The following BCL2 variants were observed in gnomAD, a reference collection of about 807,000 sequenced individuals.
BCL2 encodes BCL2 apoptosis regulator.
Under a neutral mutation model 14.2 loss-of-function variants are expected in BCL2, and 1 was observed. The ratio of observed to expected loss-of-function variants is 0.07; its 90% confidence interval spans 0.02 to 0.33. The LOEUF is 0.33. BCL2 is among the 10% of genes least tolerant of loss of function. BCL2 has a pLI of 0.99. For missense variants in BCL2, 247 were observed against 305.9 expected (o/e 0.81, Z 1.44); for synonymous variants, 151 against 137.2 (o/e 1.10, Z -0.70).
At chr18:63,277,305 T>C (rs10164240) in intron 2 of BCL2, among the ~76,000 whole-genome samples, 8,191 of 152,204 alleles carry the variant, frequency 0.054, 413 homozygotes, top group African/African-American at 0.13. Flanking sequence ...GTCTATCTTG[T>C]TCCCCAGCAC....
chr18:63,248,260 G>T (rs1259767803), intron 2 of BCL2, among the ~76,000 whole-genome samples: 1 of 152,198 alleles, frequency 6.6e-6, no homozygotes, highest in East Asian at 1.9e-4. Flanking sequence ...GGTGAGAAAA[G>T]GTCCTTCCCA....
chr18:63,175,229 C>A (rs1428162534), intron 2 of BCL2, among the ~76,000 whole-genome samples: 1 of 152,108 alleles, frequency 6.6e-6, no homozygotes, highest in Non-Finnish European at 1.5e-5. Context: ...TTTGTTGACC[C>A]TCAAAAGATA....
intron 2 of BCL2, among the ~76,000 whole-genome samples, chr18:63,183,142 C>T (rs1164385067): frequency 1.3e-5 from 2 of 152,266 alleles, no homozygotes; most frequent in East Asian, 1.9e-4. Context: ...AAACACAAAA[C>T]CTTCCACCCG....
At chr18:63,275,617 G>A (rs1016633597) in intron 2 of BCL2, among the ~76,000 whole-genome samples, 1 of 152,244 alleles carries the variant, frequency 6.6e-6, no homozygotes, top group African/African-American at 2.4e-5. Flanking sequence ...TGCTTAAGTA[G>A]TTTCATATGT....
intron 2 of BCL2, among the ~76,000 whole-genome samples, chr18:63,165,753 G>C (rs1915028506): frequency 7.0e-6 from 1 of 142,094 alleles, no homozygotes; most frequent in African/African-American, 2.9e-5. Context: ...GATTGAGCAA[G>C]ACTCTGTCCT....
intron 2 of BCL2, among the ~76,000 whole-genome samples, chr18:63,242,985 C>T (rs17685559): frequency 0.022 from 3,337 of 152,250 alleles, 115 homozygotes; most frequent in Admixed American, 0.091. Flanking sequence ...CAGTTACGGT[C>T]GTCTTCAAGT....
At chr18:63,262,649 A>G (rs1422982863) in intron 2 of BCL2, among the ~76,000 whole-genome samples, 1 of 152,196 alleles carries the variant, frequency 6.6e-6, no homozygotes, top group African/African-American at 2.4e-5. Context: ...CCACTATGAC[A>G]CAGGCCACTC....
chr18:63,224,114 T>C (rs1381682498), intron 2 of BCL2, among the ~76,000 whole-genome samples: 1 of 151,746 alleles, frequency 6.6e-6, no homozygotes, highest in Non-Finnish European at 1.5e-5. Context: ...ATGAACCCAA[T>C]AGATGGGTTG....
At position 63,229,988 on chromosome 18, in the gene BCL2, T is replaced by A. The variant is rs560227880; in HGVS notation, c.585+88094A>T. 3.4e-3 allele frequency among the ~76,000 whole-genome samples: 510 copies of A among 151,966 alleles called. 3 individuals carry two copies. Among genetic ancestry groups the A allele is most frequent in the Non-Finnish European group, 4.8e-3 (324 of 67,950 alleles). On this transcript the variant is annotated intron_variant, in intron 2 of 2. Coordinates refer to ENST00000333681, the MANE Select transcript of BCL2 (RefSeq NM_000633.3). The stretch of plus-strand genomic sequence containing the variant: ...AAATTGACAGCTCAAGTTTTTTTTT[T>A]AAAAAAGGGAAAAGATTTAATATTG...
At chr18:63,278,447 T>C (rs1438189054) in intron 2 of BCL2, among the ~76,000 whole-genome samples, 1 of 152,212 alleles carries the variant, frequency 6.6e-6, no homozygotes, top group Non-Finnish European at 1.5e-5. Flanking sequence ...AGAATCCTAC[T>C]AGTTTTAGTG....
chr18:63,312,147 C>T (rs1375971675), intron 2 of BCL2, among the ~76,000 whole-genome samples: 1 of 152,242 alleles, frequency 6.6e-6, no homozygotes, highest in Non-Finnish European at 1.5e-5. Flanking sequence ...AGACTCCCCA[C>T]TTCTGCTCCC....
At chr18:63,217,994 G>A (rs1265145131) in intron 2 of BCL2, among the ~76,000 whole-genome samples, 2 of 152,118 alleles carry the variant, frequency 1.3e-5, no homozygotes, top group Non-Finnish European at 2.9e-5. Flanking sequence ...AAAAAAGGAA[G>A]GAAGGGAGGG....
chr18:63,272,640 A>G (rs1912036360), intron 2 of BCL2, among the ~76,000 whole-genome samples: 1 of 152,240 alleles, frequency 6.6e-6, no homozygotes, highest in African/African-American at 2.4e-5. Flanking sequence ...GCTGAGAATT[A>G]TAAGTACAAA....
intron 2 of BCL2, among the ~76,000 whole-genome samples, chr18:63,281,130 T>C (rs1451846634): frequency 6.6e-6 from 1 of 152,082 alleles, no homozygotes; most frequent in Non-Finnish European, 1.5e-5. Flanking sequence ...GTCAAGTTCA[T>C]AGAGGCAGGC....
chr18:63,174,928 T>C (rs1266937014), intron 2 of BCL2, among the ~76,000 whole-genome samples: 1 of 151,660 alleles, frequency 6.6e-6, no homozygotes, highest in Non-Finnish European at 1.5e-5. Context: ...AAGAACTATA[T>C]AGCATACTCC....
At chr18:63,209,385 G>A (rs1172384402) in intron 2 of BCL2, among the ~76,000 whole-genome samples, 1 of 152,174 alleles carries the variant, frequency 6.6e-6, no homozygotes, top group African/African-American at 2.4e-5. Flanking sequence ...TGGAAGTGGG[G>A]GAAATGAAGT....
At chr18:63,162,532 C>T (rs1012787789) in intron 2 of BCL2, among the ~76,000 whole-genome samples, 10 of 152,114 alleles carry the variant, frequency 6.6e-5, no homozygotes, top group South Asian at 4.1e-4. Flanking sequence ...GGCAGGCACG[C>T]GGGTGACACA....
At chr18:63,210,273 T>C (rs1366721415) in intron 2 of BCL2, among the ~76,000 whole-genome samples, 6 of 152,196 alleles carry the variant, frequency 3.9e-5, no homozygotes, top group African/African-American at 1.4e-4. Flanking sequence ...AATGTCCAGA[T>C]GGCGATTAGT....
At chr18:63,264,059 C>A (rs1487718980) in intron 2 of BCL2, among the ~76,000 whole-genome samples, 2 of 152,186 alleles carry the variant, frequency 1.3e-5, no homozygotes. Flanking sequence ...CGTGAGCCAC[C>A]ACGCCCAGCC....
Sources: allele counts gnomAD v4.1 joint callset (sites outside exome capture counted in the v4.1 genomes callset), GRCh38; gene constraint gnomAD v4.1.1; transcripts MANE v1.5; gene names NCBI Gene and HGNC (gene_info 2026-07-23, HGNC 2026-07-21).